ZNF385D: variants seen among roughly 807,000 people sequenced by gnomAD.
ZNF385D encodes the protein zinc finger protein 659.
ZNF385D carries 15 observed loss-of-function variants against 35.8 expected under a neutral mutation model. The observed-to-expected ratio is 0.42, with a 90% CI of 0.28 to 0.64. ZNF385D has a LOEUF of 0.64. Ranked by LOEUF, ZNF385D falls within the 30% of genes least tolerant of loss-of-function variation. The pLI is 0.23. For synonymous variants in ZNF385D, 212 were observed against 186.8 expected, an observed-to-expected ratio of 1.13 and a Z score of -1.10; for missense variants, 474 against 494.6, an observed-to-expected ratio of 0.96 and a Z score of 0.39.
At chr3:22,129,471 C>G (rs568771838) in intron 3 of ZNF385D, among the ~76,000 whole-genome samples, 1 of 152,080 alleles carries the variant, frequency 6.6e-6, no homozygotes, top group Non-Finnish European at 1.5e-5. Context: ...GAGCTAGGGA[C>G]TGGTATCAGG....
At chr3:22,306,718 T>A (rs1297347665) in intron 2 of ZNF385D, among the ~76,000 whole-genome samples, 1 of 152,044 alleles carries the variant, frequency 6.6e-6, no homozygotes, top group Non-Finnish European at 1.5e-5. Context: ...GTCAGAGAGT[T>A]GGAGAGATAA....
chr3:21,881,588 T>C (rs1158252256), intron 3 of ZNF385D, among the ~76,000 whole-genome samples: 2 of 152,062 alleles, frequency 1.3e-5, no homozygotes, highest in Non-Finnish European at 2.9e-5. Context: ...GTTGTTTTAA[T>C]GCCTGCTAAC....
intron 4 of ZNF385D, among the ~76,000 whole-genome samples, chr3:21,453,549 CA>C (rs1702600382): frequency 6.6e-6 from 1 of 151,574 alleles, no homozygotes; most frequent in South Asian, 2.1e-4. Flanking sequence ...AAAAAATGGG[CA>C]AAATATTTTA....
intron 3 of ZNF385D, among the ~76,000 whole-genome samples, chr3:21,924,986 C>A (rs1002373226): frequency 3.3e-5 from 5 of 152,148 alleles, no homozygotes; most frequent in East Asian, 1.9e-4. Flanking sequence ...AAACTAAAAA[C>A]TGCAAAACAA....
chr3:21,579,857 T>C, intron 2 of ZNF385D: 1 of 152,056 alleles, frequency 6.6e-6, no homozygotes, highest in East Asian at 1.9e-4. Flanking sequence ...TGTCTCTCTG[T>C]CTCGGTGCCC....
intron 2 of ZNF385D, among the ~76,000 whole-genome samples, chr3:21,636,672 A>G (rs1467014441): frequency 1.3e-5 from 2 of 151,626 alleles, no homozygotes; most frequent in Non-Finnish European, 2.9e-5. Context: ...ACCCAGATTA[A>G]GGGTGGATCT....
intron 1 of ZNF385D, among the ~76,000 whole-genome samples, chr3:21,714,004 A>G (rs2068218615): frequency 6.6e-6 from 1 of 152,066 alleles, no homozygotes; most frequent in South Asian, 2.1e-4. Flanking sequence ...TGGTCAATCA[A>G]TATAATAACA....
intron 2 of ZNF385D, among the ~76,000 whole-genome samples, chr3:21,634,721 A>C (rs2065378404): frequency 6.6e-6 from 1 of 151,950 alleles, no homozygotes; most frequent in African/African-American, 2.4e-5. Context: ...ATGTTTTCTT[A>C]AGTATACAAA....
At chr3:21,802,823 G>C (rs1164418584) in intron 3 of ZNF385D, among the ~76,000 whole-genome samples, 1 of 152,144 alleles carries the variant, frequency 6.6e-6, no homozygotes, top group Non-Finnish European at 1.5e-5. Flanking sequence ...TAATAACAAA[G>C]TGTTTGTGAA....
chr3:22,179,233 CAT>C (rs1423690618), intron 2 of ZNF385D, among the ~76,000 whole-genome samples: 1 of 152,124 alleles, frequency 6.6e-6, no homozygotes, highest in Non-Finnish European at 1.5e-5. Flanking sequence ...AATGGTCTTC[CAT>C]TTGTTTGTAT....
intron 3 of ZNF385D, among the ~76,000 whole-genome samples, chr3:21,969,924 A>G (rs962238069): frequency 6.6e-6 from 1 of 152,170 alleles, no homozygotes; most frequent in African/African-American, 2.4e-5. Flanking sequence ...CTGGTATTCC[A>G]GAGAACTCTT....
At position 21,428,043 on chromosome 3, in the gene ZNF385D, A is replaced by G. The variant is rs114887513; in HGVS notation, c.674-2373T>C. On this transcript the variant is annotated intron_variant, in intron 5 of 7. Coordinates refer to ENST00000281523, the MANE Select transcript of ZNF385D (RefSeq NM_024697.3). ...TCATACATTTAGTAAGATATTGTCA[A>G]TCATAATTCAATAACTATTAGATAG... Among the ~76,000 whole-genome samples, 734 of 152,244 alleles carry G rather than the reference A, an allele frequency of 4.8e-3. 6 individuals are homozygous for G. The highest frequency in any genetic ancestry group is 0.017 in the African/African-American group (688 of 41,548).
rs569672102 is a variant in ZNF385D, at chr3:22,209,824, A to C, written c.107-40789T>G. On this transcript the variant is annotated intron_variant, in intron 2 of 5. Transcript: ENST00000494108. ...ACATATACACAAAAGTCAACTCAGA[A>C]TATATGTGGTGATTATAAGCTAACT... 5.9e-5 allele frequency among the ~76,000 whole-genome samples: 9 copies of C among 151,876 alleles called. No homozygotes were observed. The South Asian group carries it at 1.9e-3, about 31-fold the overall frequency.
chr3:22,067,141 T>C (rs1356954978), intron 3 of ZNF385D, among the ~76,000 whole-genome samples: 1 of 152,162 alleles, frequency 6.6e-6, no homozygotes, highest in Non-Finnish European at 1.5e-5. Flanking sequence ...ATAAAGAGAA[T>C]ATGGAAAGAA....
chr3:22,228,519 C>T (rs1254220885), intron 2 of ZNF385D, among the ~76,000 whole-genome samples: 2 of 152,130 alleles, frequency 1.3e-5, no homozygotes, highest in Non-Finnish European at 2.9e-5. Context: ...ACCAGGTAAT[C>T]CAGGGAATAA....
intron 3 of ZNF385D, among the ~76,000 whole-genome samples, chr3:22,062,384 T>C (rs996763092): frequency 4.6e-5 from 7 of 152,184 alleles, no homozygotes; most frequent in African/African-American, 7.2e-5. Context: ...TAATCTTTCT[T>C]CTAAGTGGAA....
intron 4 of ZNF385D, among the ~76,000 whole-genome samples, chr3:21,450,472 A>C (rs535326809): frequency 6.6e-6 from 1 of 152,282 alleles, no homozygotes; most frequent in African/African-American, 2.4e-5. Flanking sequence ...ATTTCCAGAG[A>C]AGGCTAATTA....
At chr3:22,004,113 T>C (rs1023522370) in intron 3 of ZNF385D, among the ~76,000 whole-genome samples, 1 of 151,856 alleles carries the variant, frequency 6.6e-6, no homozygotes, top group African/African-American at 2.4e-5. Flanking sequence ...CATAAACCAA[T>C]GGAACAGAAG....
intron 2 of ZNF385D, among the ~76,000 whole-genome samples, chr3:21,648,529 G>C (rs998355039): frequency 3.3e-5 from 5 of 152,144 alleles, no homozygotes; most frequent in Admixed American, 6.6e-5. Flanking sequence ...ATCAAGAGGG[G>C]AAGAAAGATG....
Sources: gnomAD v4.1 joint callset for allele counts (sites outside exome capture counted in the v4.1 genomes callset) on GRCh38, gnomAD v4.1.1 for gene constraint, MANE v1.5 for transcripts, NCBI Gene and HGNC (gene_info 2026-07-23, HGNC 2026-07-21) for gene names.